SKP2: variants seen among roughly 807,000 people sequenced by gnomAD.
The protein encoded by SKP2 is S-phase kinase associated protein 2, also known as S-phase kinase-associated protein 2.
A neutral mutation model predicts 51.8 loss-of-function variants in SKP2; 16 were observed. The observed-to-expected ratio is 0.31, with a 90% CI of 0.21 to 0.47. The LOEUF is 0.47. Ranked by LOEUF, SKP2 falls within the 20% of genes least tolerant of loss-of-function variation. SKP2 has a pLI of 1.00. For synonymous variants in SKP2, 176 were observed against 198.6 expected, an observed-to-expected ratio of 0.89 and a Z score of 0.96; for missense variants, 377 against 505.3, an observed-to-expected ratio of 0.75 and a Z score of 2.43.
intron 2 of SKP2, among the ~76,000 whole-genome samples, chr5:36,158,672 A>C (rs1469069692): frequency 6.6e-6 from 1 of 152,172 alleles, no homozygotes; most frequent in Admixed American, 6.5e-5. Flanking sequence ...TCACCTTTTC[A>C]AAATTTGTAC....
At position 36,152,801 on chromosome 5, in the gene SKP2, T is replaced by C. The variant is rs745791102; in HGVS notation, c.39T>C (p.Ser13=). 3 of 1,613,844 alleles carry C rather than the reference T, an allele frequency of 1.9e-6. No individual in the cohort carries two copies. In the South Asian group the frequency reaches 3.3e-5, roughly 18 times the overall value. Residue 13 remains serine, a synonymous_variant, in exon 2 of 10, where the codon AGT becomes AGC. Coordinates refer to ENST00000274255, the MANE Select transcript of SKP2 (RefSeq NM_005983.4). ...RKHLQEIPDL[S]SNVATSFTWG... ...ACCTCCAGGAGATTCCAGACCTGAG[T>C]AGCAACGTTGCCACCAGCTTCACGT...
chr5:36,185,286 A>G (rs1001067747), downstream of SKP2, among the ~76,000 whole-genome samples: 2 of 152,078 alleles, frequency 1.3e-5, no homozygotes, highest in Non-Finnish European at 2.9e-5. Flanking sequence ...TGTCAATTTT[A>G]GCTTTTGTTG....
chr5:36,174,569 G>A (rs1420437569), intron 7 of SKP2, among the ~76,000 whole-genome samples: 2 of 152,040 alleles, frequency 1.3e-5, no homozygotes, highest in East Asian at 3.9e-4. Flanking sequence ...ACAGAGCCTT[G>A]AACAAAACAG....
intron 2 of SKP2, among the ~76,000 whole-genome samples, chr5:36,153,944 G>A (rs12655652): frequency 0.34 from 52,112 of 152,014 alleles, 9,259 homozygotes; most frequent in South Asian, 0.44. Flanking sequence ...ATTTAAAACA[G>A]TAATACAGCA....
chr5:36,163,588 A>T, intron 2 of SKP2, 57 bp from the exon 3 acceptor site: 1 of 1,041,846 alleles, frequency 9.6e-7, no homozygotes, highest in South Asian at 1.3e-5. Context: ...GAAAAGACTC[A>T]GTAGACTTGA....
intron 2 of SKP2, chr5:36,155,065 T>A (rs1296246004): frequency 6.6e-6 from 1 of 152,210 alleles, no homozygotes; most frequent in Non-Finnish European, 1.5e-5. Flanking sequence ...AATTCTCCCA[T>A]CTGGTTTCCT....
chr5:36,171,548 A>C, intron 6 of SKP2, 55 bp from the exon 7 acceptor site: 1 of 1,557,194 alleles, frequency 6.4e-7, no homozygotes, highest in Non-Finnish European at 8.8e-7. Context: ...GTTTGAGGCA[A>C]ACTCATTCCC....
chr5:36,188,608 C>T (rs1210953854), downstream of SKP2, among the ~76,000 whole-genome samples: 1 of 152,206 alleles, frequency 6.6e-6, no homozygotes, highest in African/African-American at 2.4e-5. Context: ...CACTGTTAGT[C>T]TGATGGGCTT....
chr5:36,186,171 C>T (rs899198798), downstream of SKP2, among the ~76,000 whole-genome samples: 1 of 152,194 alleles, frequency 6.6e-6, no homozygotes, highest in African/African-American at 2.4e-5. Context: ...ATGGGGTTTT[C>T]TAAATATACA....
intron 9 of SKP2, among the ~76,000 whole-genome samples, chr5:36,180,957 A>AT (rs1263205866): frequency 1.3e-5 from 2 of 152,148 alleles, no homozygotes; most frequent in African/African-American, 2.4e-5. Context: ...AGAGAGATGA[A>AT]TTTCTAGGCA....
rs947920870 is a variant in SKP2, at chr5:36,168,459, G to C, written c.671+12G>C. ...GATCCCATTGTCAAGTGAGTGGCAG[G>C]CAGAGTGTCACAAAGGCAGTTGATT... On this transcript the variant is annotated intron_variant, in intron 5 of 9. Transcript: ENST00000274255. The C allele has an allele frequency of 3.7e-6, 6 of 1,613,764 alleles. No individual in the cohort carries two copies. The African/African-American group carries it at 6.7e-5, about 18-fold the overall frequency.
chr5:36,152,999 T>C lies in SKP2; in HGVS notation c.237T>C (p.Phe79=). Residue 79 remains phenylalanine, a synonymous_variant, in exon 2 of 10, where the codon TTT becomes TTC. Coordinates refer to ENST00000274255, the MANE Select transcript of SKP2 (RefSeq NM_005983.4). ...RLKSKGSDKD[F]VIVRRPKLNR... is the part of the protein sequence containing the mutation. ...AGAGCAAAGGGAGTGACAAAGACTTTGTGATTGTCCGCAGGCCTAAGCTAA... is the reference window on the plus strand; with the variant it reads ...AGAGCAAAGGGAGTGACAAAGACTTCGTGATTGTCCGCAGGCCTAAGCTAA... 1 of 1,614,124 alleles carries C rather than the reference T, an allele frequency of 6.2e-7. No homozygotes were observed. The highest frequency in any genetic ancestry group is 8.5e-7 in the Non-Finnish European group (1 of 1,180,020).
At chr5:36,163,540 C>T (rs1745190991) in intron 2 of SKP2, 105 bp from the exon 3 acceptor site, 8 of 672,402 alleles carry the variant, frequency 1.2e-5, no homozygotes, top group South Asian at 1.8e-5. Flanking sequence ...TGCTAAATTC[C>T]TCATTTAAGC....
chr5:36,181,716 C>T (rs567883571), intron 9 of SKP2, 102 bp from the exon 10 acceptor site: 2 of 1,182,628 alleles, frequency 1.7e-6, no homozygotes, highest in South Asian at 2.8e-5. Flanking sequence ...TTTCAGACTG[C>T]ATTTTGTAGA....
chr5:36,157,710 G>A (rs3804443), intron 2 of SKP2, among the ~76,000 whole-genome samples: 18,237 of 152,190 alleles, frequency 0.12, 1,324 homozygotes, highest in African/African-American at 0.19. Flanking sequence ...CAGGTCCTCA[G>A]TATACATTTC....
At chr5:36,159,493 A>G (rs977570423) in intron 2 of SKP2, among the ~76,000 whole-genome samples, 6 of 152,106 alleles carry the variant, frequency 3.9e-5, no homozygotes, top group African/African-American at 1.2e-4. Context: ...ATTCCCTTAC[A>G]TGCCAAAGCT....
intron 2 of SKP2, among the ~76,000 whole-genome samples, chr5:36,157,144 G>C (rs1184271323): frequency 1.3e-5 from 1 of 76,882 alleles, no homozygotes; most frequent in Non-Finnish European, 3.7e-5. Flanking sequence ...CACTGGAAGA[G>C]CCTTTATGGG....
chr5:36,167,827 C>A (rs1397763493), intron 4 of SKP2, among the ~76,000 whole-genome samples: 1 of 152,112 alleles, frequency 6.6e-6, no homozygotes, highest in Non-Finnish European at 1.5e-5. Flanking sequence ...ACCATGCTGG[C>A]CAGGCTGGTC....
chr5:36,179,359 A>G (rs183967293), intron 9 of SKP2, among the ~76,000 whole-genome samples: 43 of 152,268 alleles, frequency 2.8e-4, no homozygotes, highest in Admixed American at 2.2e-3. Context: ...TATGCTAAAG[A>G]ACTTAAGGCT....
Sources: gnomAD v4.1 joint callset for allele counts (sites outside exome capture counted in the v4.1 genomes callset) on GRCh38, gnomAD v4.1.1 for gene constraint, MANE v1.5 for transcripts, NCBI Gene and HGNC (gene_info 2026-07-23, HGNC 2026-07-21) for gene names.